The following USP45 variants were observed in gnomAD, a reference collection of about 807,000 sequenced individuals.
USP45 encodes the protein ubiquitin specific peptidase 45, also known as ubiquitin carboxyl-terminal hydrolase 45.
A neutral mutation model predicts 95.8 loss-of-function variants in USP45; 89 were observed. The ratio of observed to expected loss-of-function variants is 0.93; its 90% CI spans 0.78 to 1.11. The LOEUF (loss-of-function observed/expected upper bound fraction) is 1.11, where lower values mean the gene tolerates loss of function less well. Among genes scored for constraint, USP45 ranks in the 50% least tolerant of loss-of-function variants. The pLI, the probability that USP45 is intolerant of heterozygous loss-of-function variation, is 0.00. For missense variants in USP45, 898 were observed against 942.5 expected, an observed-to-expected ratio of 0.95 and a Z score of 0.62; for synonymous variants, 281 against 316.2, an observed-to-expected ratio of 0.89 and a Z score of 1.18.
At chr6:99,486,393 C>T (rs1168396910) in intron 7 of USP45, among the ~76,000 whole-genome samples, 2 of 152,042 alleles carry the variant, frequency 1.3e-5, no homozygotes, top group Non-Finnish European at 2.9e-5. Flanking sequence ...AACTCAACAT[C>T]CAATCGCATT....
At chr6:99,461,532 G>A in intron 13 of USP45, 9 of 985,352 alleles carry the variant, frequency 9.1e-6, no homozygotes, top group Non-Finnish European at 1.1e-5. Flanking sequence ...CCTGTTATCA[G>A]TAAGCAAAAG....
chr6:99,508,717 C>T lies in USP45; in HGVS notation c.166G>A (p.Glu56Lys). 6.2e-7 allele frequency: 1 copy of T among 1,613,770 alleles called. No homozygotes were observed. Among genetic ancestry groups the T allele is most frequent in the Admixed American group, 1.7e-5 (1 of 59,986 alleles). ...SVNHVKRAIA[E>K]NLWSVCSECL... is the part of the protein sequence containing the mutation. ...TCTGAGCAAACTGACCACAGATTCT[C>T]AGCTATTGCTCTCTTTACATGATTC... Residue 56 changes from glutamate to lysine, a missense_variant, in exon 3 of 18, where the codon GAG (glutamate) becomes AAG (lysine). Physicochemically the swap from Glu to Lys is moderately conservative, Grantham distance 56. Coordinates refer to ENST00000500704, the MANE Select transcript of USP45 (RefSeq NM_001346022.3).
At position 99,491,756 on chromosome 6, in the gene USP45, C is replaced by CT. The variant is rs533954676; in HGVS notation, c.479-2937dup. ...AACAAATATGACTCCTCAAAAATATCTTTTTTTTTTTGGCTTCTTCCAAAA... is the reference window on the plus strand; with the variant it reads ...AACAAATATGACTCCTCAAAAATATCTTTTTTTTTTTTGGCTTCTTCCAAAA... On this transcript the variant is annotated intron_variant, in intron 5 of 17. Coordinates refer to ENST00000500704, the MANE Select transcript of USP45 (RefSeq NM_001346022.3). 7.3e-3 allele frequency among the ~76,000 whole-genome samples: 1,061 copies of CT among 146,002 alleles called. 12 individuals carry two copies. Among genetic ancestry groups the CT allele is most frequent in the African/African-American group, 0.024 (976 of 40,136 alleles).
chr6:99,512,420 C>T (rs1381253081), intron 1 of USP45, among the ~76,000 whole-genome samples: 2 of 152,142 alleles, frequency 1.3e-5, no homozygotes, highest in Non-Finnish European at 2.9e-5. Context: ...GTGTTATTTA[C>T]CTCTATCCCT....
chr6:99,510,751 A>T (rs1799600674), intron 1 of USP45, among the ~76,000 whole-genome samples: 1 of 152,218 alleles, frequency 6.6e-6, no homozygotes, highest in African/African-American at 2.4e-5. Context: ...TGTGTTGTTT[A>T]AACCACCCAG....
intron 4 of USP45, among the ~76,000 whole-genome samples, chr6:99,505,463 C>T (rs1482875415): frequency 6.6e-6 from 1 of 151,762 alleles, no homozygotes; most frequent in East Asian, 1.9e-4. Flanking sequence ...GTTGGGAGTT[C>T]GAGACTGGCC....
intron 15 of USP45, among the ~76,000 whole-genome samples, chr6:99,442,711 G>T (rs547775778): frequency 6.6e-6 from 1 of 151,532 alleles, no homozygotes; most frequent in Non-Finnish European, 1.5e-5. Flanking sequence ...GCTAGGTGTG[G>T]TGGCACACAC....
chr6:99,485,624 G>A (rs572971136), intron 7 of USP45, among the ~76,000 whole-genome samples: 1 of 152,296 alleles, frequency 6.6e-6, no homozygotes, highest in South Asian at 2.1e-4. Context: ...TGTTACTTGA[G>A]CAAGGTGTTA....
intron 13 of USP45, among the ~76,000 whole-genome samples, chr6:99,455,184 G>A (rs1451161767): frequency 6.6e-6 from 1 of 152,104 alleles, no homozygotes; most frequent in East Asian, 1.9e-4. Flanking sequence ...GCTCACACCT[G>A]TAATCCCAGC....
Position 99,435,937 on chromosome 6 carries a change from C to CT in USP45, c.2315-92dup, listed in dbSNP as rs576341293. The CT allele has an allele frequency of 2.9e-4, 366 of 1,281,000 alleles. 2 individuals are homozygous for CT. In the African/African-American group the frequency reaches 4.6e-3, roughly 16 times the overall value. 79.4% of individuals were successfully genotyped at this position (1,281,000 alleles called of 1,614,324 possible). A position where few individuals can be genotyped will look rare whatever the true frequency, so the allele number is the denominator to read the frequency against. ...AACAATAACATATTCATTACAAACT[C>CT]TATCTAATGCCAAATTTTACCTGAG... On this transcript the variant is annotated intron_variant, in intron 17 of 17. Transcript: ENST00000500704.
intron 7 of USP45, among the ~76,000 whole-genome samples, chr6:99,483,694 C>T (rs1456678274): frequency 2.0e-5 from 3 of 148,142 alleles, no homozygotes; most frequent in South Asian, 2.2e-4. Flanking sequence ...AAAAATTAGC[C>T]AGGCGCGGTG....
upstream of USP45, among the ~76,000 whole-genome samples, chr6:99,517,605 T>TTG (rs2128849973): frequency 6.6e-6 from 1 of 150,932 alleles, no homozygotes; most frequent in Non-Finnish European, 1.5e-5. Flanking sequence ...TAGCTAATTT[T>TTG]TTTTTTTTTT....
Position 99,472,590 on chromosome 6 carries a change from G to GA in USP45, c.933+3552dup, listed in dbSNP as rs538425966. Among the ~76,000 whole-genome samples the GA allele has an allele frequency of 6.6e-5, 10 of 151,848 alleles. No homozygotes were observed. In the East Asian group the frequency reaches 1.7e-3, roughly 26 times the overall value. On this transcript the variant is annotated intron_variant, in intron 9 of 17. Transcript: ENST00000500704. ...TAAACGTATTCCTGCAAATCATGGG[G>GA]AAAAAAATAATTCTAGCAATTGATA...
intron 4 of USP45, among the ~76,000 whole-genome samples, chr6:99,506,467 C>A (rs80135088): frequency 0.038 from 5,740 of 152,210 alleles, 281 homozygotes; most frequent in African/African-American, 0.12. Context: ...CGCCACCATG[C>A]CCAGCTAATT....
At chr6:99,506,943 C>T (rs894195235) in intron 4 of USP45, among the ~76,000 whole-genome samples, 5 of 152,240 alleles carry the variant, frequency 3.3e-5, no homozygotes, top group African/African-American at 2.4e-5. Context: ...CAGTGGCTCA[C>T]GCCTGTAATC....
intron 9 of USP45, among the ~76,000 whole-genome samples, chr6:99,475,844 C>CA (rs1790689862): frequency 2.0e-5 from 3 of 151,860 alleles, no homozygotes; most frequent in Non-Finnish European, 4.4e-5. Context: ...TTTTTTGAGA[C>CA]AGAGTCTCAC....
At chr6:99,492,781 C>T (rs1243894968) in intron 5 of USP45, among the ~76,000 whole-genome samples, 4 of 151,954 alleles carry the variant, frequency 2.6e-5, no homozygotes, top group African/African-American at 7.3e-5. Flanking sequence ...AGTGAGGCCC[C>T]GCACTTGGCC....
chr6:99,488,248 T>G lies in USP45; in HGVS notation c.666A>C (p.Lys222Asn), dbSNP rs763020527. The change falls in exon 7 of 18, where the codon AAA (lysine) becomes AAC (asparagine). Residue 222 changes from lysine (K) to asparagine (N), a missense_variant. Coordinates refer to ENST00000500704, the MANE Select transcript of USP45 (RefSeq NM_001346022.3). ...YTLTDLMNEI[K>N]ESSTKLKIFP... Reference sequence around the variant, plus strand: ...AAATCTTGAGTTTTGTACTACTTTCTTTGATCTCATTCATCAGATCAGTAA... The same window carrying G: ...AAATCTTGAGTTTTGTACTACTTTCGTTGATCTCATTCATCAGATCAGTAA... 1 of 1,612,692 alleles carries G rather than the reference T, an allele frequency of 6.2e-7. No individual in the cohort carries two copies. The highest frequency in any genetic ancestry group is 8.5e-7 in the Non-Finnish European group (1 of 1,179,574).
chr6:99,465,023 A>C, intron 12 of USP45, 57 bp downstream of exon 12: 1 of 1,409,666 alleles, frequency 7.1e-7, no homozygotes, highest in Non-Finnish European at 9.8e-7. Flanking sequence ...ACAAATGTTT[A>C]AATAAATGAT....
Sources: gnomAD v4.1 joint callset for allele counts (sites outside exome capture counted in the v4.1 genomes callset) on GRCh38, gnomAD v4.1.1 for gene constraint, MANE v1.5 for transcripts, NCBI Gene and HGNC (gene_info 2026-07-23, HGNC 2026-07-21) for gene names.